Variants in GINM1 observed in about 807,000 individuals in gnomAD.
GINM1 encodes glycoprotein integral membrane protein 1.
GINM1 carries 29 observed loss-of-function variants against 37.8 expected under a neutral mutation model. That is an observed-to-expected ratio of 0.77 (90% CI 0.57 to 1.05). The LOEUF is 1.05. Ranked by LOEUF, GINM1 falls within the 50% of genes least tolerant of loss-of-function variation. The pLI, the probability that GINM1 is intolerant of heterozygous loss-of-function variation, is 0.00. For missense variants in GINM1, 377 were observed against 397.9 expected (o/e 0.95, Z 0.45); for synonymous variants, 143 against 146.2 (o/e 0.98, Z 0.16).
At position 149,583,336 on chromosome 6, in the gene GINM1, G is replaced by A. The variant is rs149610860; in HGVS notation, c.881+733G>A. On this transcript the variant is annotated intron_variant, in intron 7 of 7. Coordinates refer to ENST00000367419, the MANE Select transcript of GINM1 (RefSeq NM_138785.5). ...AAATTAGCCAGCCGTGGTGGCAGGC[G>A]CCTGTAGTCCCAGTTACTCAGGAGG... 4.2e-3 allele frequency among the ~76,000 whole-genome samples: 644 copies of A among 152,158 alleles called. 6 individuals are homozygous for A. Among genetic ancestry groups the A allele is most frequent in the Middle Eastern group, 6.8e-3 (2 of 294 alleles).
chr6:149,586,155 G>A (rs758984665), intron 7 of GINM1, among the ~76,000 whole-genome samples: 4 of 152,198 alleles, frequency 2.6e-5, no homozygotes, highest in Admixed American at 6.5e-5. Flanking sequence ...TGCAAGAACC[G>A]TGTAGGCTGT....
At chr6:149,590,177 A>G (rs1282641717) in intron 7 of GINM1, among the ~76,000 whole-genome samples, 1 of 152,232 alleles carries the variant, frequency 6.6e-6, no homozygotes, top group Non-Finnish European at 1.5e-5. Flanking sequence ...TCTTTTAAAA[A>G]AAATCTTATG....
chr6:149,584,218 C>G (rs1431014846), intron 7 of GINM1, among the ~76,000 whole-genome samples: 1 of 152,120 alleles, frequency 6.6e-6, no homozygotes, highest in Non-Finnish European at 1.5e-5. Flanking sequence ...TCAGGTGGAT[C>G]AGGTGGATCA....
In GINM1 at chr6:149,579,931, T is replaced by C; in HGVS notation, c.527T>C (p.Leu176Pro). 1 of 1,611,068 alleles carries C rather than the reference T, an allele frequency of 6.2e-7. No individual in the cohort carries two copies. Among genetic ancestry groups the C allele is most frequent in the Non-Finnish European group, 8.5e-7 (1 of 1,177,648 alleles). The change falls in exon 5 of 8, where the codon CTC becomes CCC. Residue 176 changes from leucine to proline, a missense_variant. Coordinates refer to ENST00000367419, the MANE Select transcript of GINM1 (RefSeq NM_138785.5). The stretch of plus-strand genomic sequence containing the variant: ...ACCCTCCCTTTGGAAGAAAGCATGC[T>C]CTACTCTATTTCTCGAGACAGTGAC... ...NYTLPLEESM[L>P]YSISRDSDIL...
At position 149,583,629 on chromosome 6, in the gene GINM1, A is replaced by G. The variant is rs1248865297; in HGVS notation, c.881+1026A>G. Among the ~76,000 whole-genome samples the G allele has an allele frequency of 1.7e-4, 21 of 125,366 alleles. No individual in the cohort carries two copies. The Middle Eastern group carries it at 0.011, about 67-fold the overall frequency. The allele number at this position is 125,366 out of a possible 152,430, so 82.2% of individuals were successfully genotyped here. A position where few individuals can be genotyped will look rare whatever the true frequency, so the allele number is the denominator to read the frequency against. The stretch of plus-strand genomic sequence containing the variant: ...GGGAAACGAGCAAAACTCCCTCTCG[A>G]AAAAAAAAAAAAAAAGTAAAAGCAA... On this transcript the variant is annotated intron_variant, in intron 7 of 7. Transcript: ENST00000367419.
intron 7 of GINM1, among the ~76,000 whole-genome samples, chr6:149,589,123 A>C (rs1041798098): frequency 1.3e-5 from 2 of 148,712 alleles, no homozygotes; most frequent in African/African-American, 5.0e-5. Flanking sequence ...AAAAAAATTT[A>C]TTTTGTGTAG....
intron 3 of GINM1, among the ~76,000 whole-genome samples, chr6:149,577,089 C>T (rs1238522464): frequency 1.3e-5 from 2 of 152,170 alleles, no homozygotes; most frequent in Non-Finnish European, 2.9e-5. Flanking sequence ...CCCCCATGGC[C>T]CAAACATCTC....
chr6:149,570,942 C>T (rs1777808978), intron 1 of GINM1, among the ~76,000 whole-genome samples: 1 of 152,096 alleles, frequency 6.6e-6, no homozygotes, highest in Non-Finnish European at 1.5e-5. Flanking sequence ...TTTGGGTATC[C>T]TGCTTTTGAT....
chr6:149,578,104 TCA>T (rs1433731114), intron 3 of GINM1: 17 of 152,276 alleles, frequency 1.1e-4, no homozygotes, highest in Admixed American at 1.1e-3. Flanking sequence ...GCATCTTCTC[TCA>T]CAGGATTTTG....
At chr6:149,590,697 T>C in intron 7 of GINM1, 30 bp from the exon 8 acceptor site, 1 of 1,125,920 alleles carries the variant, frequency 8.9e-7, no homozygotes, top group Non-Finnish European at 1.3e-6. Context: ...ACATTTAATT[T>C]TGATAGTAAT....
intron 7 of GINM1, among the ~76,000 whole-genome samples, chr6:149,586,442 A>T (rs1778072176): frequency 6.6e-6 from 1 of 152,158 alleles, no homozygotes; most frequent in Non-Finnish European, 1.5e-5. Flanking sequence ...CACCTCCAAC[A>T]TAGGGGATTA....
chr6:149,567,707 A>G (rs1046294670), intron 1 of GINM1, among the ~76,000 whole-genome samples: 2 of 152,246 alleles, frequency 1.3e-5, no homozygotes, highest in African/African-American at 4.8e-5. Flanking sequence ...ACGTGGGTAC[A>G]AAAATGATGA....
chr6:149,583,216 G>A (rs1313261553), intron 7 of GINM1, among the ~76,000 whole-genome samples: 1 of 152,046 alleles, frequency 6.6e-6, no homozygotes, highest in Admixed American at 6.6e-5. Flanking sequence ...TGTAATCCTG[G>A]CACTTTGGGA....
chr6:149,569,852 T>C lies in GINM1; in HGVS notation c.121-2433T>C, dbSNP rs192636896. Among the ~76,000 whole-genome samples the C allele has an allele frequency of 3.2e-3, 482 of 151,916 alleles. 10 individuals carry two copies. The highest frequency in any genetic ancestry group is 0.029 in the Admixed American group (435 of 15,246). On this transcript the variant is annotated intron_variant, in intron 1 of 7. Transcript: ENST00000367419. Reference sequence around the variant, plus strand: ...TAAAGGAATTAGAAGAATTGAAGATTTTTAGGGAGAAACTTTTCAGTGTCC... The same window carrying C: ...TAAAGGAATTAGAAGAATTGAAGATCTTTAGGGAGAAACTTTTCAGTGTCC...
In GINM1 at chr6:149,580,651, T is replaced by A; in HGVS notation, c.645T>A (p.Thr215=). The A allele has an allele frequency of 6.2e-6, 10 of 1,613,816 alleles. No homozygotes were observed. The highest frequency in any genetic ancestry group is 7.6e-6 in the Non-Finnish European group (9 of 1,179,712). The part of the protein sequence containing the change: ...SQYLIRNVET[T]VDEDVLPGKL... ...ATCTTATCAGGAATGTGGAAACCAC[T>A]GTAGATGAAGATGTTTTACCTGGCA... Residue 215 remains threonine, a synonymous_variant, in exon 6 of 8, where the codon ACT becomes ACA. Transcript: ENST00000367419.
chr6:149,589,252 A>G (rs960166884), intron 7 of GINM1, among the ~76,000 whole-genome samples: 33 of 150,168 alleles, frequency 2.2e-4, no homozygotes, highest in Admixed American at 4.0e-4. Context: ...CAGCCATTAT[A>G]TTTTCTTAAA....
At chr6:149,581,036 T>TA (rs1243666460) in intron 6 of GINM1, among the ~76,000 whole-genome samples, 2 of 152,312 alleles carry the variant, frequency 1.3e-5, no homozygotes, top group Non-Finnish European at 2.9e-5. Flanking sequence ...CATACACACA[T>TA]ATGCATTGTG....
chr6:149,576,508 TG>T (rs1278892279), intron 3 of GINM1, among the ~76,000 whole-genome samples: 2 of 152,110 alleles, frequency 1.3e-5, no homozygotes, highest in Non-Finnish European at 2.9e-5. Flanking sequence ...CCCAGCTATT[TG>T]GGAGGCTAAG....
At chr6:149,571,905 A>C (rs1214198562) in intron 1 of GINM1, among the ~76,000 whole-genome samples, 3 of 151,976 alleles carry the variant, frequency 2.0e-5, no homozygotes, top group Non-Finnish European at 2.9e-5. Flanking sequence ...ACATGGTGAA[A>C]CCCCATCTCT....
Sources: allele counts gnomAD v4.1 joint callset (sites outside exome capture counted in the v4.1 genomes callset), GRCh38; gene constraint gnomAD v4.1.1; transcripts MANE v1.5; gene names NCBI Gene and HGNC (gene_info 2026-07-23, HGNC 2026-07-21).